RAP2A: variants seen among roughly 807,000 people sequenced by gnomAD.
The protein encoded by RAP2A is ras-related protein Rap-2a.
In RAP2A, 5 loss-of-function variants were observed where a neutral mutation model predicts 15.1. The ratio of observed to expected loss-of-function variants is 0.33; its 90% confidence interval spans 0.17 to 0.70. The LOEUF is 0.70. Among genes scored for constraint, RAP2A ranks in the 30% least tolerant of loss-of-function variants. The pLI, the probability that RAP2A is intolerant of heterozygous loss-of-function variation, is 0.68. For synonymous variants in RAP2A, 110 were observed against 99.7 expected, an observed-to-expected ratio of 1.10 and a Z score of -0.62; for missense variants, 111 against 240.3, an observed-to-expected ratio of 0.46 and a Z score of 3.56.
At chr13:97,451,606 G>A (rs917611674) in intron 1 of RAP2A, among the ~76,000 whole-genome samples, 1 of 152,120 alleles carries the variant, frequency 6.6e-6, no homozygotes, top group Non-Finnish European at 1.5e-5. Context: ...CTAGGTAGGG[G>A]TTATGAATGA....
chr13:97,440,770 CA>C (rs887236128), intron 1 of RAP2A, among the ~76,000 whole-genome samples: 1 of 152,186 alleles, frequency 6.6e-6, no homozygotes, highest in African/African-American at 2.4e-5. Context: ...AACTATCCAT[CA>C]CCTCCAAAAG....
intron 1 of RAP2A, among the ~76,000 whole-genome samples, chr13:97,446,834 G>T (rs1338604447): frequency 6.6e-6 from 1 of 152,156 alleles, no homozygotes; most frequent in African/African-American, 2.4e-5. Flanking sequence ...AAAGACCTCT[G>T]AGTGGCCCCA....
chr13:97,458,639 C>G (rs1293383261), intron 1 of RAP2A, among the ~76,000 whole-genome samples: 32 of 152,126 alleles, frequency 2.1e-4, no homozygotes. Context: ...TTAACTAGCT[C>G]TGGAATAGGG....
At chr13:97,443,956 A>C (rs1279439342) in intron 1 of RAP2A, among the ~76,000 whole-genome samples, 1 of 152,240 alleles carries the variant, frequency 6.6e-6, no homozygotes, top group African/African-American at 2.4e-5. Context: ...TTCTTTACAT[A>C]GTGAACCTAA....
chr13:97,458,015 A>G (rs2066730910), intron 1 of RAP2A, among the ~76,000 whole-genome samples: 1 of 152,124 alleles, frequency 6.6e-6, no homozygotes, highest in Non-Finnish European at 1.5e-5. Context: ...GTGACTTTTT[A>G]ACACTAACAT....
chr13:97,444,647 G>T (rs1311173593), intron 1 of RAP2A, among the ~76,000 whole-genome samples: 3 of 152,088 alleles, frequency 2.0e-5, no homozygotes, highest in Non-Finnish European at 4.4e-5. Context: ...TCCTATAAAT[G>T]GGTATATATT....
chr13:97,468,449 G>C lies in RAP2A; in HGVS notation c.*4007G>C, dbSNP rs548216512. ...CTGTAGGGCCTGCTTGTTCTATATG[G>C]GGCCCTATGAAAGTTGACAGATGCT... On this transcript the variant is annotated 3_prime_UTR_variant, in exon 2 of 2. Transcript: ENST00000245304. The C allele has an allele frequency of 6.6e-6, 1 of 152,194 alleles. No individual in the cohort carries two copies. Among genetic ancestry groups the C allele is most frequent in the Non-Finnish European group, 1.5e-5 (1 of 68,040 alleles). 9.4% of individuals were successfully genotyped at this position (152,194 alleles called of 1,614,324 possible).
At chr13:97,457,863 T>C (rs1478816058) in intron 1 of RAP2A, among the ~76,000 whole-genome samples, 1 of 151,922 alleles carries the variant, frequency 6.6e-6, no homozygotes, top group Admixed American at 6.6e-5. Flanking sequence ...ACTTATTTAA[T>C]TTGAGCAAGA....
At chr13:97,435,709 A>G (rs2066631205) in intron 1 of RAP2A, among the ~76,000 whole-genome samples, 1 of 152,206 alleles carries the variant, frequency 6.6e-6, no homozygotes, top group South Asian at 2.1e-4. Flanking sequence ...AATTTTAAGC[A>G]TTAGAAATGT....
intron 1 of RAP2A, among the ~76,000 whole-genome samples, chr13:97,444,800 T>C (rs1428693287): frequency 6.6e-6 from 1 of 152,210 alleles, no homozygotes; most frequent in African/African-American, 2.4e-5. Context: ...AATTCAGAAT[T>C]TTGTCTACAA....
intron 1 of RAP2A, among the ~76,000 whole-genome samples, chr13:97,445,579 C>G (rs931392217): frequency 8.5e-5 from 13 of 152,250 alleles, no homozygotes; most frequent in Middle Eastern, 3.4e-3. Context: ...TTTGCATAAA[C>G]CCTATGTCTG....
chr13:97,444,218 CT>C (rs2066670062), intron 1 of RAP2A, among the ~76,000 whole-genome samples: 1 of 152,158 alleles, frequency 6.6e-6, no homozygotes, highest in Non-Finnish European at 1.5e-5. Flanking sequence ...TTGCCTTCCC[CT>C]AGAGACCTAA....
At chr13:97,440,831 T>C (rs891440869) in intron 1 of RAP2A, among the ~76,000 whole-genome samples, 8 of 152,272 alleles carry the variant, frequency 5.3e-5, no homozygotes, top group Non-Finnish European at 8.8e-5. Flanking sequence ...TTCATTCATT[T>C]TTTTTGTAGT....
rs1411277678 is a variant in RAP2A, at chr13:97,464,849, A to G, written c.*407A>G. On this transcript the variant is annotated 3_prime_UTR_variant, in exon 2 of 2. Coordinates refer to ENST00000245304, the MANE Select transcript of RAP2A (RefSeq NM_021033.7). ...TTGTCTTCTTTAAAAAAATAAGTAA[A>G]GGAGAAATATTTTCCTACAAGAGTA... is the stretch of plus-strand genomic sequence containing the variant. 1.3e-4 allele frequency: 22 copies of G among 165,214 alleles called. No individual in the cohort carries two copies. The highest frequency in any genetic ancestry group is 1.3e-3 in the Admixed American group (22 of 16,604). The allele number at this position is 165,214 out of a possible 1,614,324, so 10.2% of individuals were successfully genotyped here.
chr13:97,455,293 T>A (rs2066718422), intron 1 of RAP2A, among the ~76,000 whole-genome samples: 1 of 151,548 alleles, frequency 6.6e-6, no homozygotes, highest in Non-Finnish European at 1.5e-5. Flanking sequence ...TTTCTGTTTA[T>A]TTATAGAGTG....
At position 97,464,363 on chromosome 13, in the gene RAP2A, C is replaced by G; in HGVS notation, c.473C>G (p.Ala158Gly). 1 of 1,614,212 alleles carries G rather than the reference C, an allele frequency of 6.2e-7. No individual in the cohort carries two copies. The highest frequency in any genetic ancestry group is 8.5e-7 in the Non-Finnish European group (1 of 1,180,042). Reference protein sequence around the residue: ...KSKTMVDELFAEIVRQMNYAA... With the variant: ...KSKTMVDELFGEIVRQMNYAA... ...AAAACAATGGTGGACGAACTCTTTG[C>G]AGAAATTGTGAGGCAGATGAACTAT... Residue 158 changes from alanine (A) to glycine (G), a missense_variant, in exon 2 of 2, where the codon GCA becomes GGA. Coordinates refer to ENST00000245304, the MANE Select transcript of RAP2A (RefSeq NM_021033.7).
chr13:97,463,258 C>G (rs550318458), intron 1 of RAP2A, among the ~76,000 whole-genome samples: 10 of 152,344 alleles, frequency 6.6e-5, no homozygotes, highest in African/African-American at 1.9e-4. Context: ...GTGTTGACAT[C>G]TGTTGTGAAA....
chr13:97,464,643 C>T lies in RAP2A; in HGVS notation c.*201C>T, dbSNP rs952190650. 5.0e-6 allele frequency: 3 copies of T among 594,914 alleles called. No individual in the cohort carries two copies. The highest frequency in any genetic ancestry group is 8.9e-6 in the Non-Finnish European group (3 of 336,704). The allele number at this position is 594,914 out of a possible 1,614,324, so 36.9% of individuals were successfully genotyped here. ...AGTAACTACAGTTTTCACCATTTGT[C>T]CTCAGTCTCCTTTATGCATCTGCAA... On this transcript the variant is annotated 3_prime_UTR_variant, in exon 2 of 2. Transcript: ENST00000245304.
chr13:97,445,028 G>A (rs906268608), intron 1 of RAP2A, among the ~76,000 whole-genome samples: 2 of 152,042 alleles, frequency 1.3e-5, no homozygotes, highest in African/African-American at 4.8e-5. Context: ...TGGTGTAAAG[G>A]GCAAAATGGC....
Sources: gnomAD v4.1 joint callset for allele counts (sites outside exome capture counted in the v4.1 genomes callset) on GRCh38, gnomAD v4.1.1 for gene constraint, MANE v1.5 for transcripts, NCBI Gene and HGNC (gene_info 2026-07-23, HGNC 2026-07-21) for gene names.